The following MAOB variants were observed in gnomAD, a reference collection of about 807,000 sequenced individuals.
MAOB encodes monoamine oxidase B.
In MAOB, 15 loss-of-function variants were observed where a neutral mutation model predicts 41.9. The observed-to-expected ratio is 0.36, with a 90% CI of 0.24 to 0.55. The LOEUF is 0.55. MAOB is among the 20% of genes least tolerant of loss of function. MAOB has a pLI of 0.86. For missense variants in MAOB, 345 were observed against 398.7 expected (o/e 0.87, Z 1.15); for synonymous variants, 167 against 144.2 (o/e 1.16, Z -1.13).
chrX:43,850,682 C>G (rs753548847), intron 1 of MAOB, among the ~76,000 whole-genome samples: 3 of 112,056 alleles, frequency 2.7e-5, no homozygotes, highest in Non-Finnish European at 5.6e-5. Context: ...AACATGATAA[C>G]CTTTGCTCTC....
intron 4 of MAOB, 141 bp from the exon 5 acceptor site, chrX:43,802,404 T>C (rs1355693770): frequency 2.2e-6 from 1 of 451,928 alleles, no homozygotes. Context: ...TGTTAAGTTT[T>C]CCAAATTCAT....
At chrX:43,810,297 ACAGTAGC>A (rs1467058084) in intron 3 of MAOB, among the ~76,000 whole-genome samples, 1 of 108,007 alleles carries the variant, frequency 9.3e-6, no homozygotes, top group East Asian at 2.9e-4. Flanking sequence ...AATTTGATTT[ACAGTAGC>A]TGCCATGGTC....
chrX:43,837,953 AAG>A, intron 3 of MAOB: 1 of 331,299 alleles, frequency 3.0e-6, no homozygotes, highest in Non-Finnish European at 5.9e-6. Context: ...GGGAGATGTG[AAG>A]AGAGTCTGAG....
chrX:43,817,789 A>T (rs2034835886), intron 3 of MAOB, among the ~76,000 whole-genome samples: 1 of 112,228 alleles, frequency 8.9e-6, no homozygotes, highest in Non-Finnish European at 1.9e-5. Context: ...TATCTGCCAG[A>T]TATTCACAAG....
At chrX:43,803,839 G>A (rs997974667) in intron 3 of MAOB, among the ~76,000 whole-genome samples, 21 of 110,984 alleles carry the variant, frequency 1.9e-4, no homozygotes, top group Non-Finnish European at 1.9e-5. Context: ...TCACAAGAAT[G>A]CAACCATCTG....
rs139193202 is a variant in MAOB at position 43,798,596 on chromosome X, G to A, written c.477-1330C>T. The stretch of plus-strand genomic sequence containing the variant: ...AGCAAACTATCTCATGCAATTTCGA[G>A]GACTCCATTATATCTAGCACAGCAT... On this transcript the variant is annotated intron_variant, in intron 5 of 14. Transcript: ENST00000378069. 5.9e-3 allele frequency among the ~76,000 whole-genome samples: 653 copies of A among 111,496 alleles called. 6 individuals carry two copies. Among genetic ancestry groups the A allele is most frequent in the African/African-American group, 0.02 (625 of 30,694 alleles).
At chrX:43,873,975 G>A (rs936260859) in intron 1 of MAOB, among the ~76,000 whole-genome samples, 3 of 111,766 alleles carry the variant, frequency 2.7e-5, no homozygotes, top group Non-Finnish European at 3.8e-5. Flanking sequence ...GCACCCGGCC[G>A]ACAGTTTTTA....
Position 43,780,007 on chromosome X carries a change from AT to A in MAOB, c.1079+334del, listed in dbSNP as rs768849677. On this transcript the variant is annotated intron_variant, in intron 10 of 14. Transcript: ENST00000378069. ...CCTGGTTTATCTCCTTCACAAGCAA[AT>A]TTTCAGCCCCTGGGTTATATCCATT... 1.3e-4 allele frequency among the ~76,000 whole-genome samples: 14 copies of A among 111,129 alleles called. 1 individual carries two copies. The East Asian group carries it at 3.9e-3, about 31-fold the overall frequency.
Position 43,803,382 on chromosome X carries a change from C to T in MAOB, c.302G>A (p.Gly101Glu). The change falls in exon 4 of 15, where the codon GGG (glycine) becomes GAG (glutamate). Residue 101 changes from glycine to glutamate, a missense_variant. Transcript: ENST00000378069. ...HVKGKSYPFR[G>E]PFPPVWNPIT... Reference sequence around the variant, plus strand: ...TGGATTCCATACAGGTGGGAATGGCCCCCTGAAGGGGTATGATTTGCCCTG... The same window carrying T: ...TGGATTCCATACAGGTGGGAATGGCTCCCTGAAGGGGTATGATTTGCCCTG... 2 of 1,174,209 alleles carry T rather than the reference C, an allele frequency of 1.7e-6. No individual in the cohort carries two copies. The highest frequency in any genetic ancestry group is 2.3e-6 in the Non-Finnish European group (2 of 882,737).
At chrX:43,843,946 A>G (rs2035171371) in intron 1 of MAOB, 182 bp from the exon 2 acceptor site, 1 of 975,057 alleles carries the variant, frequency 1.0e-6, no homozygotes. Context: ...TGGAAACGAC[A>G]AAAGGGATTT....
chrX:43,852,080 G>A (rs1437250666), intron 1 of MAOB, among the ~76,000 whole-genome samples: 1 of 111,920 alleles, frequency 8.9e-6, no homozygotes, highest in East Asian at 2.8e-4. Context: ...CCTCCTGGCT[G>A]CATAACCTCA....
chrX:43,836,226 C>T (rs1172443041), intron 3 of MAOB, among the ~76,000 whole-genome samples: 2 of 111,639 alleles, frequency 1.8e-5, no homozygotes, highest in Non-Finnish European at 3.8e-5. Flanking sequence ...GAAAGAATGT[C>T]GAAGTTCTTG....
chrX:43,882,270 C>A lies in MAOB; in HGVS notation c.30G>T (p.Val10=), dbSNP rs146181585. The A allele has an allele frequency of 1.2e-5, 14 of 1,208,316 alleles. No homozygotes were observed. Among genetic ancestry groups the A allele is most frequent in the East Asian group, 6.0e-5 (2 of 33,546 alleles). MSNKCDVVV[V]GGGISGMAAA... ...GCGACTAACCTGAGATGCCGCCCCC[C>A]ACCACGACCACGTCGCATTTGTTGC... The change falls in exon 1 of 15, where the codon GTG becomes GTT. Residue 10 remains valine, a synonymous_variant. Coordinates refer to ENST00000378069, the MANE Select transcript of MAOB (RefSeq NM_000898.5).
intron 3 of MAOB, among the ~76,000 whole-genome samples, chrX:43,814,470 C>T (rs1288751045): frequency 8.9e-6 from 1 of 112,423 alleles, no homozygotes; most frequent in Admixed American, 9.4e-5. Context: ...GCCTTCCAAG[C>T]TTCATCTCAC....
intron 8 of MAOB, among the ~76,000 whole-genome samples, chrX:43,784,972 A>AC (rs986546830): frequency 8.9e-6 from 1 of 111,770 alleles, no homozygotes; most frequent in African/African-American, 3.3e-5. Context: ...ACATGGTGAA[A>AC]CCCCGTCTCT....
chrX:43,806,968 C>T (rs757119694), intron 3 of MAOB, among the ~76,000 whole-genome samples: 1 of 111,473 alleles, frequency 9.0e-6, no homozygotes, highest in East Asian at 2.8e-4. Flanking sequence ...TCTCCAGACT[C>T]ATCTTCTATT....
intron 13 of MAOB, 97 bp downstream of exon 13, chrX:43,769,210 A>T: frequency 9.6e-7 from 1 of 1,040,408 alleles, no homozygotes. Flanking sequence ...GATGGGGGTT[A>T]CTGGAGAGTT....
intron 1 of MAOB, among the ~76,000 whole-genome samples, chrX:43,875,620 G>A (rs934506156): frequency 9.0e-6 from 1 of 111,629 alleles, no homozygotes; most frequent in Non-Finnish European, 1.9e-5. Context: ...GAAAACACTC[G>A]TTCTTCAGAC....
intron 1 of MAOB, among the ~76,000 whole-genome samples, chrX:43,866,401 T>C (rs1280459729): frequency 8.9e-6 from 1 of 112,434 alleles, no homozygotes; most frequent in Non-Finnish European, 1.9e-5. Context: ...TCCTTTATTG[T>C]AAGAATGAAC....
Sources: gnomAD v4.1 joint callset for allele counts (sites outside exome capture counted in the v4.1 genomes callset) on GRCh38, gnomAD v4.1.1 for gene constraint, MANE v1.5 for transcripts, NCBI Gene and HGNC (gene_info 2026-07-23, HGNC 2026-07-21) for gene names.